Variants in ROBO1 observed in about 807,000 individuals in gnomAD.
The protein encoded by ROBO1 is roundabout guidance receptor 1, also known as roundabout homolog 1.
ROBO1 carries 149 observed loss-of-function variants against 195.9 expected under a neutral mutation model. The ratio of observed to expected loss-of-function variants is 0.76; its 90% CI spans 0.67 to 0.87. The LOEUF is 0.87. ROBO1 is among the 40% of genes least tolerant of loss of function. The probability of loss-of-function intolerance (pLI) is 0.00; values close to 1 mark genes in which losing one functional copy is unlikely to be tolerated. For synonymous variants in ROBO1, 816 were observed against 733.2 expected (o/e 1.11, Z -1.82); for missense variants, 1,933 against 2,068.3 (o/e 0.93, Z 1.27).
intron 1 of ROBO1, among the ~76,000 whole-genome samples, chr3:79,698,529 T>C (rs1947513852): frequency 6.6e-6 from 1 of 151,552 alleles, no homozygotes; most frequent in Non-Finnish European, 1.5e-5. Context: ...CTATTTTTCA[T>C]ATGGTCTATT....
intron 3 of ROBO1, among the ~76,000 whole-genome samples, chr3:79,063,395 G>A (rs2078953664): frequency 6.6e-6 from 1 of 151,326 alleles, no homozygotes; most frequent in Non-Finnish European, 1.5e-5. Context: ...AAAAGACAAT[G>A]CTTTGTTGTT....
intron 2 of ROBO1, among the ~76,000 whole-genome samples, chr3:79,341,235 G>A (rs2034894511): frequency 6.6e-6 from 1 of 152,074 alleles, no homozygotes; most frequent in Non-Finnish European, 1.5e-5. Context: ...TTGCTTCACA[G>A]GCTCAGGAAA....
At chr3:78,956,563 G>C (rs529137250) in intron 3 of ROBO1, among the ~76,000 whole-genome samples, 111 of 152,232 alleles carry the variant, frequency 7.3e-4, no homozygotes, top group Middle Eastern at 3.4e-3. Flanking sequence ...ACAGCACCTA[G>C]CATGTGGCAG....
intron 2 of ROBO1, among the ~76,000 whole-genome samples, chr3:79,494,709 A>C (rs2107467669): frequency 6.6e-6 from 1 of 152,312 alleles, no homozygotes; most frequent in Non-Finnish European, 1.5e-5. Flanking sequence ...ATTGGTTTCC[A>C]CAAAAAAAGT....
At chr3:79,324,533 C>A (rs866924291) in intron 2 of ROBO1, among the ~76,000 whole-genome samples, 2 of 151,968 alleles carry the variant, frequency 1.3e-5, no homozygotes, top group African/African-American at 4.8e-5. Flanking sequence ...AAATTTGAAA[C>A]CTCAATGACA....
intron 2 of ROBO1, among the ~76,000 whole-genome samples, chr3:79,494,278 A>G (rs959529483): frequency 3.3e-5 from 5 of 152,164 alleles, no homozygotes; most frequent in Non-Finnish European, 7.3e-5. Flanking sequence ...TATAGAAGAA[A>G]CCTGTAAAAC....
intron 4 of ROBO1, among the ~76,000 whole-genome samples, chr3:78,857,987 T>G (rs183362110): frequency 1.3e-5 from 2 of 152,306 alleles, no homozygotes; most frequent in Admixed American, 1.3e-4. Context: ...AATGTTCAAC[T>G]GTCATGTAGA....
At chr3:78,802,907 C>T (rs1194937335) in intron 4 of ROBO1, among the ~76,000 whole-genome samples, 2 of 152,130 alleles carry the variant, frequency 1.3e-5, no homozygotes, top group African/African-American at 2.4e-5. Flanking sequence ...AAGGTATACA[C>T]ATTTGTCATG....
rs114658270 is a variant in ROBO1 at position 79,288,885 on chromosome 3, T to G, written c.89-163346A>C. The stretch of plus-strand genomic sequence containing the variant: ...TGTGTTATTTTTCTCATTTGTATAG[T>G]AGAATCATCTTATTAAGCCCCCAAA... On this transcript the variant is annotated intron_variant, in intron 2 of 30. Coordinates refer to ENST00000464233, the MANE Select transcript of ROBO1 (RefSeq NM_002941.4). Among the ~76,000 whole-genome samples the G allele has an allele frequency of 5.1e-3, 779 of 152,290 alleles. 6 individuals carry two copies. Among genetic ancestry groups the G allele is most frequent in the African/African-American group, 0.018 (742 of 41,544 alleles).
At chr3:79,722,294 T>A (rs1702740966) in intron 1 of ROBO1, among the ~76,000 whole-genome samples, 1 of 152,212 alleles carries the variant, frequency 6.6e-6, no homozygotes, top group South Asian at 2.1e-4. Flanking sequence ...TCTTTAGAAA[T>A]CTAAGCTTGC....
At chr3:79,614,772 T>C (rs1944767660) in intron 1 of ROBO1, among the ~76,000 whole-genome samples, 1 of 152,006 alleles carries the variant, frequency 6.6e-6, no homozygotes, top group African/African-American at 2.4e-5. Flanking sequence ...TCAATTTTTC[T>C]CAAATTGATC....
intron 1 of ROBO1, among the ~76,000 whole-genome samples, chr3:79,739,717 G>A (rs1703542961): frequency 6.6e-6 from 1 of 152,128 alleles, no homozygotes; most frequent in South Asian, 2.1e-4. Flanking sequence ...TCTTTATGGT[G>A]TATCTACTAA....
At chr3:78,804,430 T>TACAACATAATTAGGGAAAACC (rs2084467331) in intron 4 of ROBO1, among the ~76,000 whole-genome samples, 1 of 152,124 alleles carries the variant, frequency 6.6e-6, no homozygotes, top group Non-Finnish European at 1.5e-5. Flanking sequence ...CTTCTGTGTA[T>TACAACATAATTAGGGAAAACC]ACAACATAAT....
chr3:79,623,683 A>T (rs2107989910), intron 1 of ROBO1, among the ~76,000 whole-genome samples: 1 of 152,260 alleles, frequency 6.6e-6, no homozygotes, highest in Non-Finnish European at 1.5e-5. Context: ...GACTACAAGA[A>T]ATATGGGACT....
chr3:78,695,154 G>A (rs950759194), intron 8 of ROBO1, among the ~76,000 whole-genome samples: 1 of 151,354 alleles, frequency 6.6e-6, no homozygotes, highest in African/African-American at 2.4e-5. Flanking sequence ...AGCATTAGGA[G>A]ATACACCTAA....
At chr3:78,699,165 T>G (rs1455325022) in intron 8 of ROBO1, among the ~76,000 whole-genome samples, 1 of 152,078 alleles carries the variant, frequency 6.6e-6, no homozygotes, top group African/African-American at 2.4e-5. Flanking sequence ...TTGCCACCAT[T>G]CTGGCCCAAG....
At chr3:79,015,174 G>T (rs2077893061) in intron 3 of ROBO1, among the ~76,000 whole-genome samples, 2 of 151,956 alleles carry the variant, frequency 1.3e-5, no homozygotes, top group African/African-American at 2.4e-5. Flanking sequence ...TATTTTAAAA[G>T]ATATCACAGT....
At chr3:78,857,377 T>C (rs539977806) in intron 4 of ROBO1, among the ~76,000 whole-genome samples, 2 of 152,320 alleles carry the variant, frequency 1.3e-5, no homozygotes, top group South Asian at 4.1e-4. Context: ...TGTTTTATGC[T>C]TTAGACAATT....
intron 1 of ROBO1, among the ~76,000 whole-genome samples, chr3:79,596,243 G>A (rs1944165808): frequency 6.6e-6 from 1 of 152,052 alleles, no homozygotes; most frequent in Admixed American, 6.6e-5. Context: ...AATCTATGGA[G>A]AGCTCTGTGC....
Sources: gnomAD v4.1 joint callset for allele counts (sites outside exome capture counted in the v4.1 genomes callset) on GRCh38, gnomAD v4.1.1 for gene constraint, MANE v1.5 for transcripts, NCBI Gene and HGNC (gene_info 2026-07-23, HGNC 2026-07-21) for gene names.